The following MYOCD variants were observed in gnomAD, a reference collection of about 807,000 sequenced individuals.
MYOCD encodes myocardin.
In MYOCD, 32 loss-of-function variants were observed where a neutral mutation model predicts 96.1. The observed-to-expected ratio is 0.33, with a 90% CI of 0.25 to 0.45. The LOEUF (loss-of-function observed/expected upper bound fraction) is 0.45. Ranked by LOEUF, MYOCD falls within the 20% of genes least tolerant of loss-of-function variation. The probability of loss-of-function intolerance (pLI) is 1.00; values close to 1 mark genes in which losing one functional copy is unlikely to be tolerated. For synonymous variants in MYOCD, 469 were observed against 469.0 expected, an observed-to-expected ratio of 1.00 and a Z score of 0.00; for missense variants, 1,133 against 1,200.6, an observed-to-expected ratio of 0.94 and a Z score of 0.83.
chr17:12,721,468 G>A (rs938227140), intron 4 of MYOCD, among the ~76,000 whole-genome samples: 4 of 152,214 alleles, frequency 2.6e-5, no homozygotes, highest in Admixed American at 6.5e-5. Flanking sequence ...GCCTTATGCT[G>A]GGACCCAAAA....
Position 12,739,298 on chromosome 17 carries a change from C to T in MYOCD, c.687C>T (p.Ser229=), listed in dbSNP as rs2032437449. The change falls in exon 7 of 14, where the codon AGC becomes AGT. Residue 229 remains serine, a synonymous_variant. Transcript: ENST00000425538. ...DAGKQGLGPP[S]TPIAVHAAVK... ...GGAAGCAGGGGCTTGGCCCCCCCAG[C>T]ACCCCCATAGCCGTGCATGCTGCTG... 1 of 1,608,224 alleles carries T rather than the reference C, an allele frequency of 6.2e-7. No individual in the cohort carries two copies. Among genetic ancestry groups the T allele is most frequent in the African/African-American group, 1.3e-5 (1 of 74,938 alleles).
rs16946545 is a variant in MYOCD at position 12,739,685 on chromosome 17, G to A, written c.717+357G>A. 6.4e-3 allele frequency among the ~76,000 whole-genome samples: 981 copies of A among 152,300 alleles called. 17 individuals are homozygous for A. The highest frequency in any genetic ancestry group is 0.038 in the East Asian group (195 of 5,170). ...TCATAAAATAGGTATGCAGCAGTTG[G>A]ATTTTATGCAAGGGAAGTAGCCCTG... On this transcript the variant is annotated intron_variant, in intron 7 of 13. Transcript: ENST00000425538.
chr17:12,693,822 A>C (rs1231844431), intron 1 of MYOCD, among the ~76,000 whole-genome samples: 2 of 152,114 alleles, frequency 1.3e-5, no homozygotes, highest in African/African-American at 4.8e-5. Flanking sequence ...CAACTTAAAC[A>C]CAAACATATG....
intron 6 of MYOCD, among the ~76,000 whole-genome samples, chr17:12,738,189 G>T (rs752499167): frequency 2.0e-5 from 3 of 152,024 alleles, no homozygotes; most frequent in African/African-American, 7.2e-5. Flanking sequence ...CATTTCTCCC[G>T]GCAATCATGT....
At chr17:12,748,370 T>C (rs2032734303) in intron 9 of MYOCD, among the ~76,000 whole-genome samples, 1 of 152,162 alleles carries the variant, frequency 6.6e-6, no homozygotes, top group Non-Finnish European at 1.5e-5. Context: ...AAATTATGTA[T>C]GCTTTGCTTC....
chr17:12,691,374 A>T (rs1190550774), intron 1 of MYOCD, among the ~76,000 whole-genome samples: 1 of 152,202 alleles, frequency 6.6e-6, no homozygotes, highest in African/African-American at 2.4e-5. Flanking sequence ...AACCATGGCA[A>T]CGTCTCCATG....
At chr17:12,760,957 G>A in intron 13 of MYOCD, 2 of 405,892 alleles carry the variant, frequency 4.9e-6, no homozygotes, top group East Asian at 7.4e-5. Context: ...TCATGTTTCA[G>A]CCTAATCCTT....
chr17:12,747,042 T>C (rs1240374938), intron 9 of MYOCD, among the ~76,000 whole-genome samples: 1 of 152,080 alleles, frequency 6.6e-6, no homozygotes, highest in Non-Finnish European at 1.5e-5. Context: ...CCAATTTTTT[T>C]TTTTTTTAAA....
Position 12,766,966 on chromosome 17 carries a change from G to A in MYOCD, c.*3322G>A, listed in dbSNP as rs923448598. On this transcript the variant is annotated 3_prime_UTR_variant, in exon 14 of 14. Transcript: ENST00000425538. ...TAAGGGAGAAAGAGGGAGGAAGAGA[G>A]GGAGGGAGGGAGGAAGAAGAGGGAG... The A allele has an allele frequency of 2.0e-5, 3 of 151,780 alleles. No homozygotes were observed. Among genetic ancestry groups the A allele is most frequent in the Non-Finnish European group, 4.4e-5 (3 of 67,964 alleles). 9.4% of individuals were successfully genotyped at this position (151,780 alleles called of 1,614,324 possible). A position where few individuals can be genotyped will look rare whatever the true frequency, so the allele number is the denominator to read the frequency against.
At chr17:12,749,697 G>GTATACATATGTGTATATA (rs200128861) in intron 9 of MYOCD, among the ~76,000 whole-genome samples, 2 of 3,806 alleles carry the variant, frequency 5.3e-4, no homozygotes, top group African/African-American at 9.9e-4. Flanking sequence ...GTGTATATAT[G>GTATACATATGTGTATATA]TATACATATG....
At chr17:12,680,274 C>T (rs566195417) in intron 1 of MYOCD, among the ~76,000 whole-genome samples, 19 of 152,270 alleles carry the variant, frequency 1.2e-4, no homozygotes, top group African/African-American at 4.1e-4. Context: ...CATTAATCTT[C>T]GTATGGTAAT....
intron 1 of MYOCD, among the ~76,000 whole-genome samples, chr17:12,703,995 T>G (rs1479844108): frequency 2.6e-5 from 4 of 152,220 alleles, no homozygotes; most frequent in Admixed American, 2.0e-4. Context: ...TATTTTAAAG[T>G]ATTTGTCTGA....
At chr17:12,676,090 A>T (rs1031107184) in intron 1 of MYOCD, among the ~76,000 whole-genome samples, 3 of 152,206 alleles carry the variant, frequency 2.0e-5, no homozygotes, top group African/African-American at 7.2e-5. Flanking sequence ...GTGGGGAAAA[A>T]AAAACGTATC....
intron 2 of MYOCD, among the ~76,000 whole-genome samples, chr17:12,714,196 G>T (rs1277743715): frequency 6.6e-6 from 1 of 151,910 alleles, no homozygotes; most frequent in Admixed American, 6.6e-5. Context: ...TCCTTAAAGA[G>T]GATACTATGG....
intron 13 of MYOCD, 194 bp downstream of exon 13, chr17:12,760,901 C>T (rs1468311009): frequency 3.6e-6 from 2 of 558,884 alleles, no homozygotes; most frequent in East Asian, 5.7e-5. Flanking sequence ...TGATTCCTCA[C>T]TGCCTTTGTC....
At chr17:12,668,699 CTT>C (rs1909507798) in intron 1 of MYOCD, among the ~76,000 whole-genome samples, 1 of 151,890 alleles carries the variant, frequency 6.6e-6, no homozygotes, top group Non-Finnish European at 1.5e-5. Flanking sequence ...GTGGTCTCTG[CTT>C]ACTAGCTACA....
At chr17:12,676,337 A>T (rs965003535) in intron 1 of MYOCD, among the ~76,000 whole-genome samples, 2 of 151,676 alleles carry the variant, frequency 1.3e-5, no homozygotes, top group African/African-American at 4.9e-5. Flanking sequence ...AATTTCTTTT[A>T]AAAGTTAAAA....
At chr17:12,667,527 G>C (rs539585051) in intron 1 of MYOCD, among the ~76,000 whole-genome samples, 1 of 152,138 alleles carries the variant, frequency 6.6e-6, no homozygotes, top group African/African-American at 2.4e-5. Flanking sequence ...CGTTGTATTC[G>C]GTCAAAACTG....
chr17:12,758,565 A>G (rs2033079968), intron 12 of MYOCD, among the ~76,000 whole-genome samples: 1 of 152,232 alleles, frequency 6.6e-6, no homozygotes, highest in Non-Finnish European at 1.5e-5. Context: ...GTTCAGGCAC[A>G]TAATACCTTC....
Sources: gnomAD v4.1 joint callset for allele counts (sites outside exome capture counted in the v4.1 genomes callset) on GRCh38, gnomAD v4.1.1 for gene constraint, MANE v1.5 for transcripts, NCBI Gene and HGNC (gene_info 2026-07-23, HGNC 2026-07-21) for gene names.